The following ALDH18A1 variants were observed in gnomAD, a reference collection of about 807,000 sequenced individuals.
ALDH18A1 encodes the protein aldehyde dehydrogenase 18 family member A1, also known as delta-1-pyrroline-5-carboxylate synthase.
ALDH18A1 carries 44 observed loss-of-function variants against 88.8 expected under a neutral mutation model. The observed-to-expected ratio is 0.50, with a 90% CI of 0.39 to 0.64. The LOEUF (loss-of-function observed/expected upper bound fraction) is 0.64. Among genes scored for constraint, ALDH18A1 ranks in the 30% least tolerant of loss-of-function variants. The pLI, the probability that ALDH18A1 is intolerant of heterozygous loss-of-function variation, is 0.00. For missense variants in ALDH18A1, 782 were observed against 1,009.5 expected, an observed-to-expected ratio of 0.77 and a Z score of 3.05; for synonymous variants, 331 against 372.1, an observed-to-expected ratio of 0.89 and a Z score of 1.27.
chr10:95,644,065 C>T (rs983050440), intron 2 of ALDH18A1, among the ~76,000 whole-genome samples: 7 of 152,136 alleles, frequency 4.6e-5, no homozygotes, highest in African/African-American at 1.7e-4. Context: ...ATCGCTTGAA[C>T]CCGGGAGGCA....
intron 5 of ALDH18A1, among the ~76,000 whole-genome samples, chr10:95,635,068 G>A (rs920864627): frequency 6.6e-6 from 1 of 152,138 alleles, no homozygotes; most frequent in East Asian, 1.9e-4. Context: ...TCACTCACTC[G>A]ATAAAAAATT....
Position 95,606,607 on chromosome 10 carries a change from C to T in ALDH18A1, c.*155G>A, listed in dbSNP as rs1053905. Reference sequence around the variant, plus strand: ...GCCAGACTGTGCACATCAGCCAAGACTGCTATTGCCAAACGGAGCCCAGAA... The same window carrying T: ...GCCAGACTGTGCACATCAGCCAAGATTGCTATTGCCAAACGGAGCCCAGAA... On this transcript the variant is annotated 3_prime_UTR_variant, in exon 18 of 18. Transcript: ENST00000371224. 782,059 of 1,579,346 alleles carry T rather than the reference C, an allele frequency of 0.5. 203,729 individuals carry two copies. Among genetic ancestry groups the T allele is most frequent in the Admixed American group, 0.55 (31,280 of 57,362 alleles).
chr10:95,654,190 G>A (rs2097914504), intron 1 of ALDH18A1, among the ~76,000 whole-genome samples: 1 of 149,276 alleles, frequency 6.7e-6, no homozygotes. Context: ...TTTTAAGATG[G>A]AGTCTTGTTC....
At chr10:95,649,068 T>C (rs2097905764) in intron 2 of ALDH18A1, among the ~76,000 whole-genome samples, 1 of 152,190 alleles carries the variant, frequency 6.6e-6, no homozygotes, top group Admixed American at 6.5e-5. Flanking sequence ...AGCTTGGAAA[T>C]GGACTACTGA....
Position 95,613,850 on chromosome 10 carries a change from T to C in ALDH18A1, c.1815A>G (p.Lys605=), listed in dbSNP as rs2097840089. The change falls in exon 15 of 18, where the codon AAA becomes AAG. Residue 605 remains lysine, a synonymous_variant. Coordinates refer to ENST00000371224, the MANE Select transcript of ALDH18A1 (RefSeq NM_002860.4). ...DKVTRLVRDS[K]CEYPAACNAL... ...CATTACAGGCAGCTGGATATTCACA[T>C]TTAGAGTCTCTGACTGAAAGAAGAT... is the stretch of plus-strand genomic sequence containing the variant. 6.2e-7 allele frequency: 1 copy of C among 1,614,072 alleles called. No individual in the cohort carries two copies.
In ALDH18A1 at chr10:95,614,153, G is replaced by A; in HGVS notation, c.1614C>T (p.Thr538=). ...GGCAAAGATCTTCAACTTCTTCTCTGGTATTCACCTTTAGAAGGAAAGAAG... is the reference window on the plus strand; with the variant it reads ...GGCAAAGATCTTCAACTTCTTCTCTAGTATTCACCTTTAGAAGGAAAGAAG... ...GVKEAVQLVN[T]REEVEDLCRL... Residue 538 remains threonine (T), a synonymous_variant, in exon 14 of 18, where the codon ACC becomes ACT. Coordinates refer to ENST00000371224, the MANE Select transcript of ALDH18A1 (RefSeq NM_002860.4). 6.2e-7 allele frequency: 1 copy of A among 1,613,988 alleles called. No homozygotes were observed. The highest frequency in any genetic ancestry group is 8.5e-7 in the Non-Finnish European group (1 of 1,180,008).
chr10:95,655,348 A>G (rs993273501), intron 1 of ALDH18A1, among the ~76,000 whole-genome samples: 5 of 152,170 alleles, frequency 3.3e-5, no homozygotes, highest in African/African-American at 9.7e-5. Context: ...TGGTCAGTAA[A>G]TGTCAGTTTT....
intron 12 of ALDH18A1, among the ~76,000 whole-genome samples, chr10:95,618,383 C>T (rs1282522391): frequency 6.6e-5 from 10 of 152,176 alleles, no homozygotes; most frequent in African/African-American, 2.4e-4. Flanking sequence ...TGCAGTGGCA[C>T]GATCTCGACT....
chr10:95,621,204 T>C lies in ALDH18A1; in HGVS notation c.1294A>G (p.Lys432Glu). Residue 432 changes from lysine (K) to glutamate (E), a missense_variant, in exon 12 of 18, where the codon AAA (lysine) becomes GAA (glutamate). Coordinates refer to ENST00000371224, the MANE Select transcript of ALDH18A1 (RefSeq NM_002860.4). ...AGACCGATGGCCAGGCTGTTCAATT[T>C]GGATGTGGAGAGGCTTAAACGTTTC... The part of the protein sequence containing the change: ...LLKRLSLSTS[K>E]LNSLAIGLRQ... 3 of 1,613,958 alleles carry C rather than the reference T, an allele frequency of 1.9e-6. No homozygotes were observed. The highest frequency in any genetic ancestry group is 2.5e-6 in the Non-Finnish European group (3 of 1,179,962).
chr10:95,609,767 C>CTTTTTTTTTTTTTTTT (rs1193875091), intron 17 of ALDH18A1, among the ~76,000 whole-genome samples: 2 of 30,694 alleles, frequency 6.5e-5, no homozygotes, highest in Non-Finnish European at 1.8e-4. Flanking sequence ...AAGTCTGTCT[C>CTTTTTTTTTTTTTTTT]TATTTTTTTT....
At chr10:95,628,284 C>T in intron 8 of ALDH18A1, 84 bp downstream of exon 8, 2 of 1,592,042 alleles carry the variant, frequency 1.3e-6, no homozygotes, top group South Asian at 1.1e-5. Context: ...ACCATTAACC[C>T]CCAAATAATT....
chr10:95,633,090 C>T (rs764858520), intron 6 of ALDH18A1, 41 bp from the exon 7 acceptor site: 1 of 1,550,572 alleles, frequency 6.4e-7, no homozygotes, highest in Non-Finnish European at 8.9e-7. Context: ...GTGAGCTAAG[C>T]AGTCCAAAAA....
intron 1 of ALDH18A1, among the ~76,000 whole-genome samples, chr10:95,655,637 T>C (rs1233048182): frequency 6.6e-6 from 1 of 151,988 alleles, no homozygotes; most frequent in Non-Finnish European, 1.5e-5. Flanking sequence ...GCAGAGTGTA[T>C]TACGCCCTCG....
At chr10:95,654,293 T>C (rs1236332710) in intron 1 of ALDH18A1, among the ~76,000 whole-genome samples, 2 of 151,592 alleles carry the variant, frequency 1.3e-5, no homozygotes, top group African/African-American at 4.9e-5. Flanking sequence ...GCCTCCCGAG[T>C]AGCTGGGACT....
chr10:95,651,149 C>A (rs1490214361), intron 2 of ALDH18A1, among the ~76,000 whole-genome samples: 2 of 151,646 alleles, frequency 1.3e-5, no homozygotes, highest in Admixed American at 6.6e-5. Flanking sequence ...CAAAAAAAAA[C>A]AAAAAGAATG....
intron 13 of ALDH18A1, among the ~76,000 whole-genome samples, chr10:95,614,954 G>A (rs1250969592): frequency 6.6e-6 from 1 of 152,094 alleles, no homozygotes; most frequent in African/African-American, 2.4e-5. Flanking sequence ...TGCAACAATG[G>A]GAATGAATGC....
intron 6 of ALDH18A1, 70 bp from the exon 7 acceptor site, chr10:95,633,119 C>T: frequency 7.1e-7 from 1 of 1,399,938 alleles, no homozygotes. Context: ...TGGAAGAACA[C>T]AGCCAAGCTC....
At position 95,606,051 on chromosome 10, in the gene ALDH18A1, C is replaced by T. The variant is rs928237489; in HGVS notation, c.*711G>A. The T allele has an allele frequency of 5.9e-6, 1 of 169,260 alleles. No homozygotes were observed. Among genetic ancestry groups the T allele is most frequent in the Admixed American group, 6.5e-5 (1 of 15,308 alleles). The allele number at this position is 169,260 out of a possible 1,614,324, so 10.5% of individuals were successfully genotyped here. A position where few individuals can be genotyped will look rare whatever the true frequency, so the allele number is the denominator to read the frequency against. ...GGGTAGGACGACAAAATAATTCATA[C>T]AAAAATTTCAAGCATCACTGCTGTA... On this transcript the variant is annotated 3_prime_UTR_variant, in exon 18 of 18. Coordinates refer to ENST00000371224, the MANE Select transcript of ALDH18A1 (RefSeq NM_002860.4).
At position 95,621,203 on chromosome 10, in the gene ALDH18A1, T is replaced by A. The variant is rs768836597; in HGVS notation, c.1295A>T (p.Lys432Ile). The change falls in exon 12 of 18, where the codon AAA (lysine) becomes ATA (isoleucine). Residue 432 changes from lysine to isoleucine, a missense_variant. Coordinates refer to ENST00000371224, the MANE Select transcript of ALDH18A1 (RefSeq NM_002860.4). The stretch of plus-strand genomic sequence containing the variant: ...CAGACCGATGGCCAGGCTGTTCAAT[T>A]TGGATGTGGAGAGGCTTAAACGTTT... ...LLKRLSLSTS[K>I]LNSLAIGLRQ... The A allele has an allele frequency of 6.2e-7, 1 of 1,613,902 alleles. No individual in the cohort carries two copies. Among genetic ancestry groups the A allele is most frequent in the South Asian group, 1.1e-5 (1 of 91,064 alleles).
Sources: gnomAD v4.1 joint callset for allele counts (sites outside exome capture counted in the v4.1 genomes callset) on GRCh38, gnomAD v4.1.1 for gene constraint, MANE v1.5 for transcripts, NCBI Gene and HGNC (gene_info 2026-07-23, HGNC 2026-07-21) for gene names.